Variants in DENND5B observed in about 807,000 individuals in gnomAD.
DENND5B encodes DENN domain-containing protein 5B.
A neutral mutation model predicts 140.6 loss-of-function variants in DENND5B; 34 were observed. The ratio of observed to expected loss-of-function variants is 0.24; its 90% confidence interval spans 0.18 to 0.32. DENND5B has a LOEUF of 0.32. Ranked by LOEUF, DENND5B falls within the 10% of genes least tolerant of loss-of-function variation. DENND5B has a pLI of 1.00. For synonymous variants in DENND5B, 551 were observed against 562.1 expected, an observed-to-expected ratio of 0.98 and a Z score of 0.28; for missense variants, 1,142 against 1,560.2, an observed-to-expected ratio of 0.73 and a Z score of 4.52.
At chr12:31,554,366 T>G (rs974127244) in intron 1 of DENND5B, among the ~76,000 whole-genome samples, 1 of 152,208 alleles carries the variant, frequency 6.6e-6, no homozygotes, top group African/African-American at 2.4e-5. Context: ...GAAAATTCTT[T>G]TCTTTAAGAA....
chr12:31,570,317 C>A (rs532697869), intron 1 of DENND5B, among the ~76,000 whole-genome samples: 2 of 150,108 alleles, frequency 1.3e-5, no homozygotes, highest in South Asian at 4.2e-4. Context: ...CACTCTGTTG[C>A]CCAGGCTGGA....
intron 1 of DENND5B, among the ~76,000 whole-genome samples, chr12:31,556,922 A>C (rs549771571): frequency 6.6e-6 from 1 of 152,346 alleles, no homozygotes; most frequent in South Asian, 2.1e-4. Context: ...AAATGTGTGC[A>C]AAGATTTTCC....
At chr12:31,567,499 C>T (rs1180249659) in intron 1 of DENND5B, among the ~76,000 whole-genome samples, 1 of 145,168 alleles carries the variant, frequency 6.9e-6, no homozygotes, top group Admixed American at 7.1e-5. Context: ...TGCACTCCAG[C>T]CTGGGCAACA....
intron 12 of DENND5B, 94 bp from the exon 13 acceptor site, chr12:31,413,658 T>C (rs1321807777): frequency 1.5e-6 from 2 of 1,368,336 alleles, no homozygotes; most frequent in Non-Finnish European, 1.9e-6. Flanking sequence ...CACAGAAAGG[T>C]TTATACTTAA....
chr12:31,470,900 G>A (rs1945528117), intron 3 of DENND5B, among the ~76,000 whole-genome samples: 1 of 152,196 alleles, frequency 6.6e-6, no homozygotes, highest in Non-Finnish European at 1.5e-5. Context: ...GGCCACTCAT[G>A]GGATGGAGCA....
intron 7 of DENND5B, among the ~76,000 whole-genome samples, chr12:31,435,250 C>A (rs1943690798): frequency 6.6e-6 from 1 of 152,180 alleles, no homozygotes; most frequent in Non-Finnish European, 1.5e-5. Context: ...ACTGCAAACT[C>A]TTCACCCTCA....
intron 1 of DENND5B, among the ~76,000 whole-genome samples, chr12:31,558,406 A>AT (rs1314831799): frequency 6.6e-6 from 1 of 152,162 alleles, no homozygotes; most frequent in Non-Finnish European, 1.5e-5. Flanking sequence ...ACAATAAGAG[A>AT]AATGGTTCTC....
intron 1 of DENND5B, among the ~76,000 whole-genome samples, chr12:31,523,048 C>G (rs1360740556): frequency 6.7e-6 from 1 of 149,078 alleles, no homozygotes; most frequent in Non-Finnish European, 1.5e-5. Flanking sequence ...GATAAATGTG[C>G]CTTTTTTTTT....
At chr12:31,478,214 C>T (rs1945909382) in intron 3 of DENND5B, among the ~76,000 whole-genome samples, 1 of 152,114 alleles carries the variant, frequency 6.6e-6, no homozygotes, top group South Asian at 2.1e-4. Flanking sequence ...GAAGAAAATA[C>T]AACCTTGTGA....
intron 11 of DENND5B, among the ~76,000 whole-genome samples, chr12:31,422,003 C>G (rs1015204706): frequency 3.3e-5 from 5 of 152,142 alleles, no homozygotes; most frequent in African/African-American, 1.2e-4. Flanking sequence ...GCAATGTAGT[C>G]AGCTTATATT....
intron 1 of DENND5B, among the ~76,000 whole-genome samples, chr12:31,505,131 T>C (rs1486847733): frequency 1.3e-5 from 2 of 152,188 alleles, no homozygotes; most frequent in African/African-American, 2.4e-5. Flanking sequence ...TTTCTGACTA[T>C]AATACTAACC....
chr12:31,562,062 C>T (rs1949493824), intron 1 of DENND5B, among the ~76,000 whole-genome samples: 1 of 152,356 alleles, frequency 6.6e-6, no homozygotes, highest in Admixed American at 6.5e-5. Context: ...CATTCATCAA[C>T]TTAGCCACCA....
At chr12:31,483,265 T>A (rs1367417662) in intron 2 of DENND5B, among the ~76,000 whole-genome samples, 1 of 152,192 alleles carries the variant, frequency 6.6e-6, no homozygotes, top group African/African-American at 2.4e-5. Context: ...GGAAACTTTT[T>A]CTATAAAGAG....
At chr12:31,389,827 C>A (rs1941032239) in intron 19 of DENND5B, among the ~76,000 whole-genome samples, 1 of 152,080 alleles carries the variant, frequency 6.6e-6, no homozygotes, top group Non-Finnish European at 1.5e-5. Flanking sequence ...CTAGGAGTAA[C>A]CAGCAATGAC....
chr12:31,404,042 G>C (rs542136103), intron 14 of DENND5B, among the ~76,000 whole-genome samples: 3 of 151,690 alleles, frequency 2.0e-5, no homozygotes, highest in East Asian at 3.9e-4. Flanking sequence ...GCAACAAAGT[G>C]AGACCTTGTC....
chr12:31,404,034 A>C (rs1941984414), intron 14 of DENND5B, among the ~76,000 whole-genome samples: 1 of 151,998 alleles, frequency 6.6e-6, no homozygotes, highest in Admixed American at 6.6e-5. Context: ...CAGCCTGGGC[A>C]ACAAAGTGAG....
chr12:31,511,155 C>T (rs575841052), intron 1 of DENND5B, among the ~76,000 whole-genome samples: 1 of 152,276 alleles, frequency 6.6e-6, no homozygotes, highest in African/African-American at 2.4e-5. Flanking sequence ...AGGAGGATCT[C>T]TTGAGCCCTG....
intron 1 of DENND5B, among the ~76,000 whole-genome samples, chr12:31,585,115 C>G (rs1950352855): frequency 2.6e-5 from 4 of 152,114 alleles, no homozygotes; most frequent in Non-Finnish European, 5.9e-5. Context: ...GAGGGATCTG[C>G]CCCCATAACC....
At chr12:31,401,168 A>C (rs572481686) in intron 15 of DENND5B, among the ~76,000 whole-genome samples, 1 of 152,294 alleles carries the variant, frequency 6.6e-6, no homozygotes, top group East Asian at 1.9e-4. Flanking sequence ...AAAGCACTTT[A>C]TTCTTTGTAT....
Sources: gnomAD v4.1 joint callset for allele counts (sites outside exome capture counted in the v4.1 genomes callset) on GRCh38, gnomAD v4.1.1 for gene constraint, MANE v1.5 for transcripts, NCBI Gene and HGNC (gene_info 2026-07-23, HGNC 2026-07-21) for gene names.